The following CDH9 variants were observed in gnomAD, a reference collection of about 807,000 sequenced individuals.
CDH9 encodes cadherin-9.
CDH9 carries 28 observed loss-of-function variants against 70.9 expected under a neutral mutation model. That is an observed-to-expected ratio of 0.40 (90% CI 0.29 to 0.54). CDH9 has a LOEUF of 0.54. CDH9 is among the 20% of genes least tolerant of loss of function. CDH9 has a pLI of 0.59. For synonymous variants in CDH9, 409 were observed against 343.1 expected (o/e 1.19, Z -2.12); for missense variants, 874 against 984.4 (o/e 0.89, Z 1.50).
At chr5:26,886,406 G>A (rs568902536) in intron 9 of CDH9, among the ~76,000 whole-genome samples, 7 of 151,974 alleles carry the variant, frequency 4.6e-5, no homozygotes, top group Non-Finnish European at 8.8e-5. Context: ...TTGTTGAAAG[G>A]CACAGTCCAT....
chr5:26,961,229 CAT>C (rs1235185596), intron 2 of CDH9, among the ~76,000 whole-genome samples: 1 of 151,998 alleles, frequency 6.6e-6, no homozygotes, highest in African/African-American at 2.4e-5. Context: ...AGCTAATGAA[CAT>C]ATGCACATAC....
intron 1 of CDH9, among the ~76,000 whole-genome samples, chr5:27,001,997 G>A (rs1401037502): frequency 6.6e-6 from 1 of 151,874 alleles, no homozygotes; most frequent in Non-Finnish European, 1.5e-5. Context: ...CTACAGAGTG[G>A]GAGAAAATTT....
intron 1 of CDH9, among the ~76,000 whole-genome samples, chr5:27,035,387 C>T (rs1743374181): frequency 6.6e-6 from 1 of 151,370 alleles, no homozygotes; most frequent in South Asian, 2.1e-4. Context: ...TTTCTGAAAA[C>T]AAATATGCAA....
chr5:26,883,321 A>C (rs1160557460), intron 11 of CDH9, among the ~76,000 whole-genome samples: 1 of 151,632 alleles, frequency 6.6e-6, no homozygotes, highest in Non-Finnish European at 1.5e-5. Context: ...ACTAATAAAA[A>C]TGTACTAATT....
At chr5:26,993,539 G>C (rs1033532101) in intron 1 of CDH9, among the ~76,000 whole-genome samples, 1 of 151,890 alleles carries the variant, frequency 6.6e-6, no homozygotes, top group Admixed American at 6.6e-5. Flanking sequence ...AATGTCTTTT[G>C]ATAAAGGGGT....
At chr5:26,941,109 A>T (rs1324285660) in intron 2 of CDH9, among the ~76,000 whole-genome samples, 1 of 152,214 alleles carries the variant, frequency 6.6e-6, no homozygotes, top group Non-Finnish European at 1.5e-5. Flanking sequence ...GATGGCTTCA[A>T]ACAACTTAGG....
intron 1 of CDH9, among the ~76,000 whole-genome samples, chr5:27,020,098 G>A (rs1464445002): frequency 6.6e-6 from 1 of 151,526 alleles, no homozygotes; most frequent in Non-Finnish European, 1.5e-5. Flanking sequence ...ACTTGTGATG[G>A]CATTAATATT....
intron 2 of CDH9, among the ~76,000 whole-genome samples, chr5:26,968,376 C>G (rs1164802319): frequency 6.6e-6 from 1 of 152,146 alleles, no homozygotes; most frequent in Admixed American, 6.5e-5. Context: ...ACCTCCACAT[C>G]TCAGGTTCAA....
At chr5:26,895,108 C>A (rs1740726984) in intron 7 of CDH9, among the ~76,000 whole-genome samples, 1 of 152,076 alleles carries the variant, frequency 6.6e-6, no homozygotes, top group East Asian at 1.9e-4. Context: ...ATTCCTTTTT[C>A]TCTGCTGGAT....
chr5:27,038,234 G>A (rs1346042557), intron 1 of CDH9, among the ~76,000 whole-genome samples: 1 of 151,906 alleles, frequency 6.6e-6, no homozygotes, highest in Non-Finnish European at 1.5e-5. Flanking sequence ...GTAGGTATCA[G>A]CTTTGCAAAA....
chr5:26,977,395 A>G (rs115808650), intron 2 of CDH9, among the ~76,000 whole-genome samples: 75 of 151,776 alleles, frequency 4.9e-4, no homozygotes, highest in African/African-American at 1.7e-3. Context: ...GACATCAAAT[A>G]TAATTGACCG....
chr5:26,904,260 C>A (rs1340491356), intron 5 of CDH9, among the ~76,000 whole-genome samples: 2 of 150,458 alleles, frequency 1.3e-5, no homozygotes, highest in African/African-American at 4.9e-5. Context: ...AAAATAATGC[C>A]ATACAGACCA....
chr5:26,935,931 T>G (rs1260934913), intron 2 of CDH9, among the ~76,000 whole-genome samples: 1 of 152,136 alleles, frequency 6.6e-6, no homozygotes, highest in East Asian at 1.9e-4. Flanking sequence ...TGACAAGGAA[T>G]GAAATAATGT....
chr5:26,996,095 T>C (rs1055490049), intron 1 of CDH9, among the ~76,000 whole-genome samples: 3 of 152,014 alleles, frequency 2.0e-5, no homozygotes, highest in Admixed American at 1.3e-4. Context: ...TTCTCCTCTC[T>C]ATACCTACAC....
At chr5:26,970,952 T>C (rs1005294092) in intron 2 of CDH9, among the ~76,000 whole-genome samples, 5 of 152,128 alleles carry the variant, frequency 3.3e-5, no homozygotes, top group African/African-American at 9.7e-5. Flanking sequence ...TTCCTCTAAA[T>C]TTTCTGATCC....
At chr5:26,916,502 C>G (rs1579449293) in intron 2 of CDH9, among the ~76,000 whole-genome samples, 1 of 151,876 alleles carries the variant, frequency 6.6e-6, no homozygotes, top group African/African-American at 2.4e-5. Context: ...TATGTACCTT[C>G]CTATGACAAA....
intron 11 of CDH9, among the ~76,000 whole-genome samples, chr5:26,884,820 A>G (rs1380193475): frequency 6.6e-6 from 1 of 152,072 alleles, no homozygotes; most frequent in Non-Finnish European, 1.5e-5. Context: ...TTTTTTGGGG[A>G]ATGTTTTCCA....
intron 1 of CDH9, among the ~76,000 whole-genome samples, chr5:27,020,499 G>C (rs780882886): frequency 4.0e-5 from 6 of 151,408 alleles, no homozygotes; most frequent in Non-Finnish European, 8.9e-5. Context: ...CTTTTCAGTA[G>C]CTTGAATTAT....
intron 1 of CDH9, among the ~76,000 whole-genome samples, chr5:27,026,995 A>G (rs971931095): frequency 6.6e-6 from 1 of 151,970 alleles, no homozygotes; most frequent in Non-Finnish European, 1.5e-5. Context: ...ATTCAAGACT[A>G]AAAGGGGGAA....
Sources: gnomAD v4.1 joint callset for allele counts (sites outside exome capture counted in the v4.1 genomes callset) on GRCh38, gnomAD v4.1.1 for gene constraint, MANE v1.5 for transcripts, NCBI Gene and HGNC (gene_info 2026-07-23, HGNC 2026-07-21) for gene names.